TRIM66: variants seen among roughly 807,000 people sequenced by gnomAD.
TRIM66 encodes tripartite motif containing 66, also known as tripartite motif-containing protein 66.
In TRIM66, 99 loss-of-function variants were observed where a neutral mutation model predicts 148.2. The observed-to-expected ratio is 0.67, with a 90% confidence interval of 0.57 to 0.79. The LOEUF (loss-of-function observed/expected upper bound fraction) is 0.79, where lower values mean the gene tolerates loss of function less well. Ranked by LOEUF, TRIM66 falls within the 30% of genes least tolerant of loss-of-function variation. TRIM66 has a pLI of 0.00. For synonymous variants in TRIM66, 616 were observed against 635.9 expected (o/e 0.97, Z 0.47); for missense variants, 1,666 against 1,697.9 (o/e 0.98, Z 0.33).
At chr11:8,619,272 T>G in intron 23 of TRIM66, 111 bp downstream of exon 23, 2 of 1,265,958 alleles carry the variant, frequency 1.6e-6, no homozygotes, top group South Asian at 3.3e-5. Flanking sequence ...CAGAATCTGC[T>G]CCCCAGTCCT....
At chr11:8,636,509 C>T (rs1000219760) in intron 15 of TRIM66, among the ~76,000 whole-genome samples, 1 of 152,086 alleles carries the variant, frequency 6.6e-6, no homozygotes, top group African/African-American at 2.4e-5. Context: ...TAAATATGCT[C>T]TTTTTCCCAT....
At position 8,651,906 on chromosome 11, in the gene TRIM66, G is replaced by C. The variant is rs184277617; in HGVS notation, c.341-3C>G. The C allele has an allele frequency of 6.5e-7, 1 of 1,547,662 alleles. No individual in the cohort carries two copies. The highest frequency in any genetic ancestry group is 8.7e-7 in the Non-Finnish European group (1 of 1,144,090). ...ACACCCAGGACAGGAGATGAGCTCT[G>C]TGCAAGAAAGAAAGATAGCAGAGTC... is the stretch of plus-strand genomic sequence containing the variant. On this transcript the variant is annotated splice_region_variant and splice_polypyrimidine_tract_variant and intron_variant, in intron 6 of 24. Transcript: ENST00000646038.
At chr11:8,619,174 C>T (rs1425014169) in intron 23 of TRIM66, 4 of 712,810 alleles carry the variant, frequency 5.6e-6, no homozygotes, top group African/African-American at 3.6e-5. Context: ...CACAGATGGC[C>T]ACTCACTAGT....
In TRIM66 at chr11:8,613,167, A is replaced by G. The variant is rs1373943313; in HGVS notation, c.*4777T>C. Reference sequence around the variant, plus strand: ...AGCTGTGATTCTTCCTCCCTACCCAACTCCTGAAAAGAAGAGACCACAGAC... The same window carrying G: ...AGCTGTGATTCTTCCTCCCTACCCAGCTCCTGAAAAGAAGAGACCACAGAC... On this transcript the variant is annotated 3_prime_UTR_variant, in exon 25 of 25. Transcript: ENST00000646038. 1 of 151,850 alleles carries G rather than the reference A, an allele frequency of 6.6e-6. No homozygotes were observed. Among genetic ancestry groups the G allele is most frequent in the Non-Finnish European group, 1.5e-5 (1 of 68,010 alleles). The allele number at this position is 151,850 out of a possible 1,614,324, so 9.4% of individuals were successfully genotyped here.
intron 9 of TRIM66, 56 bp from the exon 10 acceptor site, chr11:8,648,142 C>A: frequency 7.0e-7 from 1 of 1,437,230 alleles, no homozygotes; most frequent in Non-Finnish European, 9.6e-7. Context: ...TTTGAGCATG[C>A]CAACCAAGCG....
chr11:8,643,667 C>T (rs2036599900), intron 12 of TRIM66, among the ~76,000 whole-genome samples: 1 of 152,126 alleles, frequency 6.6e-6, no homozygotes. Flanking sequence ...CTTATCTTTT[C>T]AGGCCTTAAG....
intron 15 of TRIM66, among the ~76,000 whole-genome samples, chr11:8,637,332 A>ATATATGCAT (rs2035970236): frequency 6.6e-6 from 1 of 151,234 alleles, no homozygotes; most frequent in South Asian, 2.1e-4. Flanking sequence ...ATATATATAT[A>ATATATGCAT]TATATATATG....
At chr11:8,669,189 T>TGCATTGAGACTGCA (rs1156516772) in intron 6 of TRIM66, among the ~76,000 whole-genome samples, 1 of 152,224 alleles carries the variant, frequency 6.6e-6, no homozygotes, top group East Asian at 1.9e-4. Flanking sequence ...CTTATGTTGA[T>TGCATTGAGACTGCA]GCATTGAGAC....
intron 15 of TRIM66, among the ~76,000 whole-genome samples, chr11:8,634,867 T>C (rs1397407901): frequency 6.6e-6 from 1 of 151,828 alleles, no homozygotes; most frequent in East Asian, 1.9e-4. Context: ...CGCAGAAAGG[T>C]GCGTGGTGCC....
chr11:8,678,360 G>T (rs546982774), intron 3 of TRIM66, among the ~76,000 whole-genome samples: 1 of 152,242 alleles, frequency 6.6e-6, no homozygotes, highest in South Asian at 2.1e-4. Context: ...TGAAGACTGG[G>T]TAGTGATACG....
Position 8,624,490 on chromosome 11 carries a change from C to T in TRIM66, c.2888G>A (p.Gly963Asp). Reference sequence around the variant, plus strand: ...GGCCAAGTCCTTGGGAGCATCCAGACCGGGGACTATGGGACCTTGTCCCAG... The same window carrying T: ...GGCCAAGTCCTTGGGAGCATCCAGATCGGGGACTATGGGACCTTGTCCCAG... Reference protein sequence around the residue: ...DLLGQGPIVPGLDAPKDLAIP... With the variant: ...DLLGQGPIVPDLDAPKDLAIP... Residue 963 changes from glycine (G) to aspartate (D), a missense_variant, in exon 17 of 25, where the codon GGT becomes GAT. Transcript: ENST00000646038. The T allele has an allele frequency of 6.4e-7, 1 of 1,551,308 alleles. No homozygotes were observed. The highest frequency in any genetic ancestry group is 8.7e-7 in the Non-Finnish European group (1 of 1,146,904).
chr11:8,639,820 G>T (rs2036204948), intron 14 of TRIM66, among the ~76,000 whole-genome samples: 1 of 152,284 alleles, frequency 6.6e-6, no homozygotes, highest in Admixed American at 6.5e-5. Context: ...CTTAAGCTCT[G>T]CCCTCCCCCT....
chr11:8,679,763 TG>T lies in TRIM66; in HGVS notation c.-334del, dbSNP rs1347902060. 1 of 152,676 alleles carries T rather than the reference TG, an allele frequency of 6.5e-6. No individual in the cohort carries two copies. The highest frequency in any genetic ancestry group is 1.9e-4 in the East Asian group (1 of 5,188). 9.5% of individuals were successfully genotyped at this position (152,676 alleles called of 1,614,324 possible). A position where few individuals can be genotyped will look rare whatever the true frequency, so the allele number is the denominator to read the frequency against. Reference sequence around the variant, plus strand: ...CTATTCTCAAGACCCCTCTTCCTGCTGGTCACATGCAGTATGTGATTAAGGT... The same window carrying T: ...CTATTCTCAAGACCCCTCTTCCTGCTGTCACATGCAGTATGTGATTAAGGT... On this transcript the variant is annotated 5_prime_UTR_variant, in exon 3 of 25. Coordinates refer to ENST00000646038, the MANE Select transcript of TRIM66 (RefSeq NM_001388022.1).
At chr11:8,618,715 C>G (rs182312454) in intron 24 of TRIM66, 35 bp downstream of exon 24, 1 of 1,536,792 alleles carries the variant, frequency 6.5e-7, no homozygotes, top group South Asian at 1.2e-5. Context: ...GCCTGATCAC[C>G]GCCCACCTGC....
intron 4 of TRIM66, among the ~76,000 whole-genome samples, chr11:8,673,213 C>G (rs890357386): frequency 2.6e-5 from 4 of 152,122 alleles, no homozygotes; most frequent in African/African-American, 4.8e-5. Flanking sequence ...CAGGCATGAG[C>G]CACCGAGCCC....
chr11:8,645,961 G>A, intron 11 of TRIM66, 74 bp from the exon 12 acceptor site: 1 of 1,437,782 alleles, frequency 7.0e-7, no homozygotes, highest in Non-Finnish European at 9.5e-7. Context: ...AAGTCTGGTG[G>A]CTTGTGTGTG....
chr11:8,638,552 C>T, intron 15 of TRIM66, 102 bp downstream of exon 15: 5 of 1,331,864 alleles, frequency 3.8e-6, no homozygotes, highest in African/African-American at 1.5e-5. Flanking sequence ...AGGGATGGAA[C>T]AGGGACGCTC....
rs747398492 is a variant in TRIM66, at chr11:8,620,530, G to A, written c.3588C>T (p.Pro1196=). Residue 1196 remains proline, a synonymous_variant, in exon 21 of 25, where the codon CCC becomes CCT. Coordinates refer to ENST00000646038, the MANE Select transcript of TRIM66 (RefSeq NM_001388022.1). The part of the protein sequence containing the change: ...VCTLCRSLTQ[P]EMEYDCENAC... ...CATTCTCACAGTCGTACTCCATCTC[G>A]GGCTGGGTCAGGCTGCGGCACAAGG... 12 of 1,551,628 alleles carry A rather than the reference G, an allele frequency of 7.7e-6. No homozygotes were observed. The highest frequency in any genetic ancestry group is 3.6e-5 in the South Asian group (3 of 84,058).
intron 24 of TRIM66, 35 bp downstream of exon 24, chr11:8,618,715 C>T (rs182312454): frequency 4.5e-5 from 69 of 1,536,790 alleles, no homozygotes; most frequent in African/African-American, 6.9e-5. Flanking sequence ...GCCTGATCAC[C>T]GCCCACCTGC....
Sources: gnomAD v4.1 joint callset for allele counts (sites outside exome capture counted in the v4.1 genomes callset) on GRCh38, gnomAD v4.1.1 for gene constraint, MANE v1.5 for transcripts, NCBI Gene and HGNC (gene_info 2026-07-23, HGNC 2026-07-21) for gene names.